The following MEIS2 variants were observed in gnomAD, a reference collection of about 807,000 sequenced individuals.
MEIS2 encodes homeobox protein Meis2.
MEIS2 carries 9 observed loss-of-function variants against 58.6 expected under a neutral mutation model. The observed-to-expected ratio is 0.15, with a 90% confidence interval of 0.09 to 0.27. The LOEUF (loss-of-function observed/expected upper bound fraction) is 0.27. Among genes scored for constraint, MEIS2 ranks in the 10% least tolerant of loss-of-function variants. The pLI is 1.00. For missense variants in MEIS2, 427 were observed against 635.0 expected, an observed-to-expected ratio of 0.67 and a Z score of 3.52; for synonymous variants, 221 against 228.4, an observed-to-expected ratio of 0.97 and a Z score of 0.29.
At chr15:36,915,335 C>T (rs904015009) in intron 9 of MEIS2, among the ~76,000 whole-genome samples, 1 of 152,162 alleles carries the variant, frequency 6.6e-6, no homozygotes, top group Non-Finnish European at 1.5e-5. Context: ...AGGTATTCTA[C>T]TGTTCAGCTG....
intron 9 of MEIS2, among the ~76,000 whole-genome samples, chr15:36,921,008 C>CA (rs796659033): frequency 5.0e-4 from 76 of 150,790 alleles, no homozygotes; most frequent in South Asian, 8.4e-4. Context: ...AAAACAAAAA[C>CA]AAAAAAAAAC....
At chr15:36,997,771 G>A (rs924252144) in intron 8 of MEIS2, among the ~76,000 whole-genome samples, 5 of 152,132 alleles carry the variant, frequency 3.3e-5, no homozygotes, top group African/African-American at 9.7e-5. Context: ...ATGAGCCACC[G>A]TGCCCGGCCT....
intron 1 of MEIS2, 102 bp downstream of exon 1, chr15:37,099,353 C>T: frequency 1.9e-6 from 3 of 1,567,276 alleles, no homozygotes; most frequent in Non-Finnish European, 2.6e-6. Flanking sequence ...CATCATCAAG[C>T]AGCGAGCAGC....
intron 8 of MEIS2, among the ~76,000 whole-genome samples, chr15:37,030,832 G>T (rs1469188279): frequency 6.6e-6 from 1 of 151,816 alleles, no homozygotes; most frequent in African/African-American, 2.4e-5. Context: ...TAGAGATGGG[G>T]TCTTGCTGTG....
chr15:37,097,035 A>G (rs1440666314), intron 2 of MEIS2, among the ~76,000 whole-genome samples: 1 of 152,194 alleles, frequency 6.6e-6, no homozygotes. Flanking sequence ...CCAAAATAAT[A>G]GGAAGGTTAC....
chr15:36,940,641 G>A (rs1437686267), intron 9 of MEIS2, among the ~76,000 whole-genome samples: 1 of 152,144 alleles, frequency 6.6e-6, no homozygotes, highest in Non-Finnish European at 1.5e-5. Flanking sequence ...TGTAATACTT[G>A]GAGAAGGTAA....
At chr15:37,065,570 T>C (rs1431782541) in intron 7 of MEIS2, among the ~76,000 whole-genome samples, 1 of 152,176 alleles carries the variant, frequency 6.6e-6, no homozygotes, top group Non-Finnish European at 1.5e-5. Context: ...GCTTCAATAT[T>C]TCAAGCCAGA....
chr15:37,098,337 G>A (rs1009674418), intron 1 of MEIS2, 138 bp from the exon 2 acceptor site: 25 of 1,230,270 alleles, frequency 2.0e-5, no homozygotes, highest in African/African-American at 3.2e-5. Context: ...GAGGGAGGGA[G>A]GTAAGAGAGA....
At chr15:37,022,457 CA>C (rs1424072209) in intron 8 of MEIS2, among the ~76,000 whole-genome samples, 2 of 152,144 alleles carry the variant, frequency 1.3e-5, no homozygotes, top group African/African-American at 4.8e-5. Context: ...CTATGTTCCC[CA>C]GGCTGGTCTT....
At chr15:37,007,766 C>T (rs1457317810) in intron 8 of MEIS2, among the ~76,000 whole-genome samples, 1 of 152,170 alleles carries the variant, frequency 6.6e-6, no homozygotes, top group Non-Finnish European at 1.5e-5. Context: ...TTTAAAAACG[C>T]CATCTAAGAT....
chr15:36,912,136 T>C (rs1474878990), intron 9 of MEIS2, among the ~76,000 whole-genome samples: 1 of 150,192 alleles, frequency 6.7e-6, no homozygotes, highest in Non-Finnish European at 1.5e-5. Flanking sequence ...AACCCCAATA[T>C]AAATACATTT....
chr15:37,043,133 A>G (rs1277974625), intron 7 of MEIS2, among the ~76,000 whole-genome samples: 2 of 152,230 alleles, frequency 1.3e-5, no homozygotes. Flanking sequence ...TTTGGTTAAC[A>G]GTACTGGTAC....
At chr15:36,902,343 C>A (rs750814089) in intron 9 of MEIS2, among the ~76,000 whole-genome samples, 2 of 152,318 alleles carry the variant, frequency 1.3e-5, no homozygotes, top group East Asian at 3.9e-4. Context: ...TTCTAAAAAT[C>A]GGAGTTTAAT....
Position 37,084,169 on chromosome 15 carries a change from A to G in MEIS2, c.640-284T>C, listed in dbSNP as rs1379653325. ...AATGGGTAAATTTTATTATATACAA[A>G]TTTAAACCTAAACAAAGTTAATTTC... On this transcript the variant is annotated intron_variant, in intron 6 of 11. Transcript: ENST00000561208. Among the ~76,000 whole-genome samples, 3 of 152,222 alleles carry G rather than the reference A, an allele frequency of 2.0e-5. No homozygotes were observed. In the East Asian group the frequency reaches 5.8e-4, roughly 29 times the overall value.
chr15:37,021,624 T>C (rs1005190515), intron 8 of MEIS2, among the ~76,000 whole-genome samples: 1 of 152,254 alleles, frequency 6.6e-6, no homozygotes, highest in African/African-American at 2.4e-5. Flanking sequence ...ATTCTGCACC[T>C]GGACTTGCAA....
intron 7 of MEIS2, among the ~76,000 whole-genome samples, chr15:37,077,273 T>G (rs1411081852): frequency 6.6e-6 from 1 of 152,078 alleles, no homozygotes; most frequent in Non-Finnish European, 1.5e-5. Context: ...AGGACTCTTC[T>G]GAATGGCACT....
chr15:37,015,503 C>G (rs932169640), intron 8 of MEIS2, among the ~76,000 whole-genome samples: 1 of 151,332 alleles, frequency 6.6e-6, no homozygotes, highest in Non-Finnish European at 1.5e-5. Flanking sequence ...TCTAAGGCCA[C>G]CGATCACTGT....
At chr15:36,977,077 G>A (rs904258167) in intron 8 of MEIS2, among the ~76,000 whole-genome samples, 2 of 152,132 alleles carry the variant, frequency 1.3e-5, no homozygotes, top group African/African-American at 4.8e-5. Context: ...AGTGAGCCAC[G>A]ATTGTGGGAT....
intron 9 of MEIS2, among the ~76,000 whole-genome samples, chr15:36,926,591 G>A (rs942865430): frequency 1.3e-5 from 2 of 152,174 alleles, no homozygotes; most frequent in Non-Finnish European, 2.9e-5. Context: ...ATTTACTGCT[G>A]CAAGACAATG....
Sources: allele counts gnomAD v4.1 joint callset (sites outside exome capture counted in the v4.1 genomes callset), GRCh38; gene constraint gnomAD v4.1.1; transcripts MANE v1.5; gene names NCBI Gene and HGNC (gene_info 2026-07-23, HGNC 2026-07-21).